Variants in KCND3 observed in about 807,000 individuals in gnomAD.
KCND3 encodes A-type voltage-gated potassium channel KCND3.
A neutral mutation model predicts 51.1 loss-of-function variants in KCND3; 9 were observed. The ratio of observed to expected loss-of-function variants is 0.18; its 90% confidence interval spans 0.11 to 0.31. The LOEUF (loss-of-function observed/expected upper bound fraction) is 0.31. Among genes scored for constraint, KCND3 ranks in the 10% least tolerant of loss-of-function variants. KCND3 has a pLI of 1.00. For synonymous variants in KCND3, 349 were observed against 368.0 expected, an observed-to-expected ratio of 0.95 and a Z score of 0.59; for missense variants, 526 against 903.8, an observed-to-expected ratio of 0.58 and a Z score of 5.36.
At chr1:111,923,835 C>T (rs1358053770) in intron 2 of KCND3, among the ~76,000 whole-genome samples, 2 of 152,198 alleles carry the variant, frequency 1.3e-5, no homozygotes, top group Non-Finnish European at 2.9e-5. Flanking sequence ...AGGTAAATGA[C>T]TCCTCCTTAC....
chr1:111,881,023 G>A (rs1319511287), intron 2 of KCND3, among the ~76,000 whole-genome samples: 3 of 152,050 alleles, frequency 2.0e-5, no homozygotes, highest in Non-Finnish European at 2.9e-5. Context: ...CCTCTGAGAC[G>A]CAGCTGGAAG....
chr1:111,804,649 A>G (rs967769619), intron 2 of KCND3, among the ~76,000 whole-genome samples: 2 of 152,194 alleles, frequency 1.3e-5, no homozygotes, highest in Non-Finnish European at 2.9e-5. Context: ...AGAAGTCACA[A>G]TGGATGAATG....
At chr1:111,898,658 C>T (rs1298661990) in intron 2 of KCND3, among the ~76,000 whole-genome samples, 1 of 152,214 alleles carries the variant, frequency 6.6e-6, no homozygotes, top group African/African-American at 2.4e-5. Context: ...GTGTGTGCTT[C>T]AACTGTACAC....
At chr1:111,809,066 G>T (rs762319311) in intron 2 of KCND3, among the ~76,000 whole-genome samples, 4 of 152,228 alleles carry the variant, frequency 2.6e-5, no homozygotes, top group African/African-American at 4.8e-5. Context: ...ATTGGAATTA[G>T]CTCTGGGAGA....
intron 2 of KCND3, among the ~76,000 whole-genome samples, chr1:111,905,463 C>T (rs1176654627): frequency 6.6e-6 from 1 of 152,214 alleles, no homozygotes. Context: ...AGTGGATGCA[C>T]TCAAGTTTTC....
At chr1:111,821,631 T>C (rs1426285414) in intron 2 of KCND3, among the ~76,000 whole-genome samples, 3 of 152,142 alleles carry the variant, frequency 2.0e-5, no homozygotes, top group African/African-American at 7.2e-5. Context: ...TCAGGACACA[T>C]TCTGGAAACA....
rs780219355 is a variant in KCND3 at position 111,982,242 on chromosome 1, G to A, written c.485C>T (p.Ser162Leu). 2.1e-5 allele frequency: 34 copies of A among 1,614,090 alleles called. No individual in the cohort carries two copies. The highest frequency in any genetic ancestry group is 3.3e-5 in the Admixed American group (2 of 60,024). The change falls in exon 2 of 8, where the codon TCG (serine) becomes TTG (leucine). Residue 162 changes from serine (S) to leucine (L), a missense_variant. Transcript: ENST00000302127. The surrounding 1 kb of genome is among the most constrained non-coding windows in gnomAD (Gnocchi z 8.5). ...CCACATGGTCTGGCGGAAGCTGAGC[G>A]AGGGCATGGACTCCTGGTTGTTCTC... is the stretch of plus-strand genomic sequence containing the variant. ...DSENNQESMP[S>L]LSFRQTMWRA... is the part of the protein sequence containing the mutation.
chr1:111,972,236 G>T (rs903107422), intron 2 of KCND3, among the ~76,000 whole-genome samples: 35 of 141,608 alleles, frequency 2.5e-4, no homozygotes, highest in Admixed American at 2.3e-3. Flanking sequence ...GCAGTGGCGG[G>T]ATCTCGGCTC....
intron 2 of KCND3, among the ~76,000 whole-genome samples, chr1:111,880,282 C>G (rs1208883954): frequency 6.6e-6 from 1 of 152,182 alleles, no homozygotes; most frequent in Non-Finnish European, 1.5e-5. Context: ...TGGTCTTGGT[C>G]CTCAAGGACT....
At chr1:111,917,378 G>C (rs1189736586) in intron 2 of KCND3, among the ~76,000 whole-genome samples, 2 of 152,198 alleles carry the variant, frequency 1.3e-5, no homozygotes, top group African/African-American at 4.8e-5. Flanking sequence ...TGAATTACAA[G>C]GACTGCACTG....
At chr1:111,937,239 C>A (rs1023912252) in intron 2 of KCND3, among the ~76,000 whole-genome samples, 1 of 152,076 alleles carries the variant, frequency 6.6e-6, no homozygotes, top group Non-Finnish European at 1.5e-5. Flanking sequence ...CCATCATGGA[C>A]TTGGTGAGCT....
intron 2 of KCND3, among the ~76,000 whole-genome samples, chr1:111,817,043 T>G (rs374142303): frequency 1.1e-4 from 16 of 152,334 alleles, no homozygotes; most frequent in African/African-American, 3.6e-4. Context: ...TTTGGTTACA[T>G]GGATGAGTAG....
chr1:111,926,772 C>T (rs540336712), intron 2 of KCND3, among the ~76,000 whole-genome samples: 7 of 152,380 alleles, frequency 4.6e-5, no homozygotes, highest in African/African-American at 1.7e-4. Flanking sequence ...GTTCATCGCT[C>T]GGGGCTGACG....
rs1205496135 is a variant in KCND3, at chr1:111,772,288, A to T, written c.*3789T>A. On this transcript the variant is annotated 3_prime_UTR_variant, in exon 8 of 8. Transcript: ENST00000302127. ...AAGAGAAAATATTTGACTAAAAAAAATTGACTCTTCACTTGTTCACTGATT... is the reference window on the plus strand; with the variant it reads ...AAGAGAAAATATTTGACTAAAAAAATTTGACTCTTCACTTGTTCACTGATT... The T allele has an allele frequency of 6.6e-6, 1 of 152,210 alleles. No homozygotes were observed. The highest frequency in any genetic ancestry group is 2.4e-5 in the African/African-American group (1 of 41,462). 9.4% of individuals were successfully genotyped at this position (152,210 alleles called of 1,614,324 possible).
Position 111,776,072 on chromosome 1 carries a change from T to C in KCND3, c.*5A>G, listed in dbSNP as rs769354777. 1 of 1,614,154 alleles carries C rather than the reference T, an allele frequency of 6.2e-7. No homozygotes were observed. The highest frequency in any genetic ancestry group is 1.7e-5 in the Admixed American group (1 of 60,030). The stretch of plus-strand genomic sequence containing the variant: ...CTACCCACTCTGGCCCTCTGTCCAG[T>C]GGTTTTACAAGGCGGAGACCTTGAC... On this transcript the variant is annotated 3_prime_UTR_variant, in exon 8 of 8. Transcript: ENST00000302127.
At chr1:111,862,252 G>A (rs1307672835) in intron 2 of KCND3, among the ~76,000 whole-genome samples, 3 of 152,220 alleles carry the variant, frequency 2.0e-5, no homozygotes, top group Admixed American at 1.3e-4. Context: ...AATATTTCAG[G>A]CTTGCAGGCC....
At chr1:111,792,566 G>A (rs1222471461) in intron 2 of KCND3, among the ~76,000 whole-genome samples, 2 of 152,168 alleles carry the variant, frequency 1.3e-5, no homozygotes, top group African/African-American at 2.4e-5. Context: ...GGTTAAAAGC[G>A]TGGTCTCTGA....
intron 2 of KCND3, among the ~76,000 whole-genome samples, chr1:111,841,554 AAGTT>A (rs1425377046): frequency 1.3e-5 from 2 of 152,256 alleles, no homozygotes; most frequent in Non-Finnish European, 2.9e-5. Flanking sequence ...AACTCAGAGC[AAGTT>A]AAATTCTCTG....
At chr1:111,784,144 C>CACACACACACACACA (rs59742862) in intron 3 of KCND3, among the ~76,000 whole-genome samples, 6 of 149,252 alleles carry the variant, frequency 4.0e-5, no homozygotes, top group Non-Finnish European at 5.9e-5. Context: ...CACACACACA[C>CACACACACACACACA]CAGTCCAAGT....
Sources: gnomAD v4.1 joint callset for allele counts (sites outside exome capture counted in the v4.1 genomes callset) on GRCh38, gnomAD v4.1.1 for gene constraint, Gnocchi (gnomAD v3.1) non-coding constraint, MANE v1.5 for transcripts, NCBI Gene and HGNC (gene_info 2026-07-23, HGNC 2026-07-21) for gene names.